PABIR3: variants seen among roughly 807,000 people sequenced by gnomAD.
The protein encoded by PABIR3 is PABIR family member 1.
A neutral mutation model predicts 23.1 loss-of-function variants in PABIR3; 20 were observed. The observed-to-expected ratio is 0.86, with a 90% CI of 0.61 to 1.26. PABIR3 has a LOEUF of 1.26. Among genes scored for constraint, PABIR3 ranks in the 50% most tolerant of loss-of-function variants. PABIR3 has a pLI of 0.00. For missense variants in PABIR3, 189 were observed against 195.4 expected (o/e 0.97, Z 0.20); for synonymous variants, 69 against 68.5 (o/e 1.01, Z -0.04).
chrX:134,837,148 C>A lies in PABIR3; in HGVS notation c.246+7866C>A, dbSNP rs1299786897. Reference sequence around the variant, plus strand: ...ATCACCTGAGGTCAGGAGTTCGAGACCAGCCTGACCAACGTGAAGAAACCC... The same window carrying A: ...ATCACCTGAGGTCAGGAGTTCGAGAACAGCCTGACCAACGTGAAGAAACCC... On this transcript the variant is annotated intron_variant, in intron 4 of 10. Coordinates refer to ENST00000645433, the MANE Select transcript of PABIR3 (RefSeq NM_001388447.1). Among the ~76,000 whole-genome samples the A allele has an allele frequency of 2.7e-5, 3 of 110,732 alleles. No homozygotes were observed. The East Asian group carries it at 8.5e-4, about 31-fold the overall frequency.
intron 6 of PABIR3, 142 bp from the exon 7 acceptor site, chrX:134,847,241 C>CT (rs759039243): frequency 2.1e-4 from 86 of 411,347 alleles, no homozygotes; most frequent in Non-Finnish European, 2.5e-4. Context: ...TCCCTGATTG[C>CT]TTTAGGATGG....
At position 134,854,246 on chromosome X, in the gene PABIR3, C is replaced by G; in HGVS notation, c.*29C>G. ...ACAAACTTTCAACTAAATGATTCAC[C>G]CATCCCAAGACTTTCTCACCAGTGG... On this transcript the variant is annotated 3_prime_UTR_variant, in exon 11 of 11. Coordinates refer to ENST00000645433, the MANE Select transcript of PABIR3 (RefSeq NM_001388447.1). The G allele has an allele frequency of 1.7e-6, 2 of 1,189,013 alleles. No individual in the cohort carries two copies. The highest frequency in any genetic ancestry group is 2.3e-6 in the Non-Finnish European group (2 of 883,999).
At chrX:134,863,302 C>G in the PABIR3 span, among the ~76,000 whole-genome samples, 1 of 111,463 alleles carries the variant, frequency 9.0e-6, no homozygotes, top group East Asian at 2.8e-4. Context: ...ATGAGAGACA[C>G]TCAATTATCT....
chrX:134,848,410 TGTTTCA>T (rs1317987637), intron 8 of PABIR3, among the ~76,000 whole-genome samples: 1 of 110,017 alleles, frequency 9.1e-6, no homozygotes, highest in Admixed American at 9.8e-5. Context: ...AAAAAGTCAC[TGTTTCA>T]GTTTATCATT....
upstream of PABIR3, among the ~76,000 whole-genome samples, chrX:134,806,617 CAAA>C (rs112975762): frequency 1.9e-4 from 13 of 68,477 alleles, no homozygotes; most frequent in African/African-American, 6.2e-4. Flanking sequence ...AATTCCATCT[CAAA>C]AAAAAAAAAA....
downstream of PABIR3, among the ~76,000 whole-genome samples, chrX:134,855,589 A>G (rs1569464796): frequency 4.5e-5 from 5 of 111,904 alleles, no homozygotes; most frequent in Admixed American, 4.8e-4. Context: ...AATACGTATA[A>G]AAGACTTTTT....
Position 134,829,428 on chromosome X carries a change from AAAAC to A in PABIR3, c.246+150_246+153del, listed in dbSNP as rs1289569774. ...TTCTAGGAATGATTTCTTCAAAAAA[AAAAC>A]AAAACTAAGAAGCACTTTTTTTGGC... On this transcript the variant is annotated intron_variant, in intron 4 of 10. Transcript: ENST00000645433. 3 of 496,351 alleles carry A rather than the reference AAAAC, an allele frequency of 6.0e-6. No individual in the cohort carries two copies. In the African/African-American group the frequency reaches 7.3e-5, roughly 12 times the overall value. 40.9% of individuals were successfully genotyped at this position (496,351 alleles called of 1,213,427 possible). A position where few individuals can be genotyped will look rare whatever the true frequency, so the allele number is the denominator to read the frequency against.
chrX:134,808,245 A>C (rs2080364290), intron 2 of PABIR3: 1 of 291,679 alleles, frequency 3.4e-6, no homozygotes, highest in Non-Finnish European at 5.9e-6. Flanking sequence ...GCTGGAGTGC[A>C]TTGGCACGAT....
At chrX:134,807,973 C>T (rs1017213207) in intron 2 of PABIR3, 6 of 307,483 alleles carry the variant, frequency 2.0e-5, no homozygotes, top group Non-Finnish European at 3.4e-5. Context: ...CCGAAAGTAG[C>T]AGCCAGTTGG....
chrX:134,821,506 G>A (rs749167988), intron 3 of PABIR3: 55 of 1,149,782 alleles, frequency 4.8e-5, no homozygotes, highest in African/African-American at 4.5e-4. Context: ...ATGTCACTGC[G>A]TCACTTCTCC....
At chrX:134,812,042 ATC>A (rs1460405745) in intron 2 of PABIR3, among the ~76,000 whole-genome samples, 1 of 112,433 alleles carries the variant, frequency 8.9e-6, no homozygotes, top group East Asian at 2.8e-4. Context: ...AGTGACATAA[ATC>A]TATTATAGTT....
chrX:134,834,139 G>A (rs939931001), intron 4 of PABIR3: 12 of 112,266 alleles, frequency 1.1e-4, no homozygotes, highest in African/African-American at 3.9e-4. Context: ...CACCAACAAT[G>A]TAAAAGCGTT....
At chrX:134,842,314 G>GT (rs2082260502) in intron 4 of PABIR3, among the ~76,000 whole-genome samples, 3 of 112,027 alleles carry the variant, frequency 2.7e-5, no homozygotes, top group African/African-American at 9.7e-5. Flanking sequence ...ATGCACAAAA[G>GT]TTTTTTTAAT....
chrX:134,810,615 A>C, intron 2 of PABIR3: 1 of 753,503 alleles, frequency 1.3e-6, no homozygotes, highest in Non-Finnish European at 1.6e-6. Context: ...AGAAAAATTT[A>C]GAGTAGGATT....
Position 134,840,162 on chromosome X carries a change from G to A in PABIR3, c.247-5043G>A, listed in dbSNP as rs533195109. Among the ~76,000 whole-genome samples, 36 of 110,977 alleles carry A rather than the reference G, an allele frequency of 3.2e-4. No individual in the cohort carries two copies. The South Asian group carries it at 0.011, about 34-fold the overall frequency. On this transcript the variant is annotated intron_variant, in intron 4 of 10. Transcript: ENST00000645433. ...TGTTAAACAGATGCTTGAAGGCAGC[G>A]TGCTCGTTAAGAGTCATCACCACTC...
At chrX:134,823,483 T>C (rs1051402562) in intron 3 of PABIR3, among the ~76,000 whole-genome samples, 1 of 111,703 alleles carries the variant, frequency 9.0e-6, no homozygotes, top group African/African-American at 3.3e-5. Flanking sequence ...GTATTAAAAT[T>C]CTGCCTCTTC....
chrX:134,824,237 T>C (rs970837506), intron 3 of PABIR3, among the ~76,000 whole-genome samples: 2 of 111,888 alleles, frequency 1.8e-5, no homozygotes, highest in Admixed American at 9.6e-5. Flanking sequence ...GCTTAATCAC[T>C]GTAGCCCTCA....
intron 3 of PABIR3, chrX:134,821,283 T>C: frequency 9.6e-7 from 1 of 1,038,247 alleles, no homozygotes; most frequent in Non-Finnish European, 1.3e-6. Context: ...CCCTCACAAT[T>C]ATTTTGTTTA....
intron 4 of PABIR3, chrX:134,839,528 T>C (rs1397955908): frequency 1.3e-4 from 15 of 112,040 alleles, no homozygotes; most frequent in Non-Finnish European, 1.4e-4. Context: ...GTGAGGAGCG[T>C]CTCTGCCCGG....
Sources: gnomAD v4.1 joint callset for allele counts (sites outside exome capture counted in the v4.1 genomes callset) on GRCh38, gnomAD v4.1.1 for gene constraint, MANE v1.5 for transcripts, NCBI Gene and HGNC (gene_info 2026-07-23, HGNC 2026-07-21) for gene names.